TBC1D32: variants seen among roughly 807,000 people sequenced by gnomAD.
TBC1D32 encodes the protein TBC1 domain family member 32.
A neutral mutation model predicts 170.3 loss-of-function variants in TBC1D32; 151 were observed. The observed-to-expected ratio is 0.89, with a 90% CI of 0.78 to 1.01. The LOEUF (loss-of-function observed/expected upper bound fraction) is 1.01, where lower values mean the gene tolerates loss of function less well. Ranked by LOEUF, TBC1D32 falls within the 50% of genes least tolerant of loss-of-function variation. TBC1D32 has a pLI of 0.00. For synonymous variants in TBC1D32, 498 were observed against 488.0 expected, an observed-to-expected ratio of 1.02 and a Z score of -0.27; for missense variants, 1,464 against 1,457.1, an observed-to-expected ratio of 1.00 and a Z score of -0.08.
rs146304870 is a variant in TBC1D32, at chr6:121,195,075, G to A, written c.2570+10000C>T. On this transcript the variant is annotated intron_variant, in intron 22 of 31. Coordinates refer to ENST00000398212, the MANE Select transcript of TBC1D32 (RefSeq NM_152730.6). Reference sequence around the variant, plus strand: ...ACAAGAAAGAGGCACAACACCTAGTGGGCCTATTTGGATTTCGGAGGCAAC... The same window carrying A: ...ACAAGAAAGAGGCACAACACCTAGTAGGCCTATTTGGATTTCGGAGGCAAC... Among the ~76,000 whole-genome samples the A allele has an allele frequency of 1.6e-3, 251 of 152,298 alleles. 4 individuals carry two copies. The highest frequency in any genetic ancestry group is 3.8e-4 in the Non-Finnish European group (26 of 68,034).
chr6:121,218,464 C>T (rs1037764618), intron 21 of TBC1D32, among the ~76,000 whole-genome samples: 1 of 152,064 alleles, frequency 6.6e-6, no homozygotes, highest in African/African-American at 2.4e-5. Context: ...AAGTTTTGAT[C>T]CTGGGTGTGT....
intron 30 of TBC1D32, among the ~76,000 whole-genome samples, chr6:121,092,409 C>A (rs1033420269): frequency 9.2e-5 from 13 of 141,730 alleles, no homozygotes; most frequent in African/African-American, 2.9e-4. Context: ...ACAAAATTTC[C>A]TTTTGTTTTC....
rs549983775 is a variant in TBC1D32, at chr6:121,230,681, A to C, written c.2365-7329T>G. Among the ~76,000 whole-genome samples, 7 of 151,948 alleles carry C rather than the reference A, an allele frequency of 4.6e-5. No individual in the cohort carries two copies. The East Asian group carries it at 1.4e-3, about 29-fold the overall frequency. On this transcript the variant is annotated intron_variant, in intron 20 of 31. Coordinates refer to ENST00000398212, the MANE Select transcript of TBC1D32 (RefSeq NM_152730.6). ...TACATATATACACACACGTGTATAT[A>C]TACACATGTGTGTATATATATTTGC...
chr6:121,160,064 G>C lies in TBC1D32; in HGVS notation c.2719C>G (p.Pro907Ala). ...TCTGACAGATAGCAGTTTGGCAATG[G>C]ATATGATGAAAACATTGGCCAAGGA... The part of the protein sequence containing the change: ...PYPWPMFSSY[P>A]LPNCYLSDIT... Residue 907 changes from proline to alanine, a missense_variant, in exon 24 of 32, where the codon CCA (proline) becomes GCA (alanine). This residue lies in a region of TBC1D32 where 1,363 missense variants were observed against 1,338.1 expected (regional missense o/e 1.02). Coordinates refer to ENST00000398212, the MANE Select transcript of TBC1D32 (RefSeq NM_152730.6). 7 of 1,607,714 alleles carry C rather than the reference G, an allele frequency of 4.4e-6. No homozygotes were observed. Among genetic ancestry groups the C allele is most frequent in the Non-Finnish European group, 6.0e-6 (7 of 1,175,512 alleles).
intron 17 of TBC1D32, among the ~76,000 whole-genome samples, chr6:121,249,155 A>G (rs928145454): frequency 2.0e-5 from 3 of 151,950 alleles, no homozygotes; most frequent in Non-Finnish European, 2.9e-5. Flanking sequence ...GGTTTAACAT[A>G]CACACATCAG....
chr6:121,220,937 G>A (rs1794443640), intron 21 of TBC1D32, among the ~76,000 whole-genome samples: 1 of 152,016 alleles, frequency 6.6e-6, no homozygotes, highest in Admixed American at 6.6e-5. Context: ...AACGACGCCC[G>A]GCCAAGAGAT....
chr6:121,190,077 C>A (rs73524557), intron 22 of TBC1D32, among the ~76,000 whole-genome samples: 1,032 of 6,998 alleles, frequency 0.15, 41 homozygotes, highest in African/African-American at 0.26. Context: ...AATACAGACA[C>A]ACACACACAC....
At chr6:121,119,224 G>A (rs1192584096) in intron 26 of TBC1D32, among the ~76,000 whole-genome samples, 1 of 152,084 alleles carries the variant, frequency 6.6e-6, no homozygotes. Context: ...CTGAAAAACT[G>A]TTTCTTTTAT....
chr6:121,204,276 G>A (rs1159495885), intron 22 of TBC1D32, among the ~76,000 whole-genome samples: 4 of 151,178 alleles, frequency 2.6e-5, no homozygotes, highest in Non-Finnish European at 5.9e-5. Flanking sequence ...GTCCAAACAC[G>A]AAGCTCATCT....
intron 31 of TBC1D32, among the ~76,000 whole-genome samples, chr6:121,085,526 T>G (rs1364882679): frequency 1.3e-5 from 2 of 151,736 alleles, no homozygotes; most frequent in Non-Finnish European, 2.9e-5. Flanking sequence ...GGCATTGGCA[T>G]TGGCATTCTG....
chr6:121,263,857 A>G (rs1296040547), intron 15 of TBC1D32, among the ~76,000 whole-genome samples: 1 of 152,230 alleles, frequency 6.6e-6, no homozygotes. Flanking sequence ...TAATGAAAGT[A>G]AGGCAGAAAT....
intron 17 of TBC1D32, among the ~76,000 whole-genome samples, chr6:121,247,170 AG>A (rs1797719412): frequency 1.3e-5 from 2 of 152,230 alleles, no homozygotes; most frequent in South Asian, 2.1e-4. Flanking sequence ...TCTTATTTAT[AG>A]CTCCCTTAAG....
At chr6:121,239,284 T>TC in intron 19 of TBC1D32, 96 bp from the exon 20 acceptor site, 1 of 639,878 alleles carries the variant, frequency 1.6e-6, no homozygotes, top group South Asian at 2.8e-5. Flanking sequence ...TCTGGTCTAC[T>TC]CTGACAGAAG....
At chr6:121,311,456 G>A (rs1405614477) in intron 3 of TBC1D32, among the ~76,000 whole-genome samples, 1 of 152,128 alleles carries the variant, frequency 6.6e-6, no homozygotes, top group African/African-American at 2.4e-5. Flanking sequence ...TAGGCTGGGC[G>A]CAGTGGCTCA....
rs1389814933 is a variant in TBC1D32 at position 121,334,334 on chromosome 6, G to C, written c.97C>G (p.Leu33Val). The change falls in exon 1 of 32, where the codon CTG (leucine) becomes GTG (valine). Residue 33 changes from leucine (L) to valine (V), a missense_variant. Around this residue, in one of 3 missense-constraint regions of TBC1D32, gnomAD observed 1,363 missense variants for 1,338.1 expected, o/e 1.02. Transcript: ENST00000398212. ...VKEKITGAPS[L>V]ECAEEILLHL... is the part of the protein sequence containing the mutation. ...AAAAGAATCTCTTCGGCACACTCCA[G>C]GGAAGGGGCACCCGTGATTTTCTCC... 4 of 1,614,164 alleles carry C rather than the reference G, an allele frequency of 2.5e-6. No individual in the cohort carries two copies. In the South Asian group the frequency reaches 4.4e-5, roughly 18 times the overall value.
At chr6:121,206,224 A>G (rs961808677) in intron 21 of TBC1D32, among the ~76,000 whole-genome samples, 1 of 151,936 alleles carries the variant, frequency 6.6e-6, no homozygotes, top group Non-Finnish European at 1.5e-5. Flanking sequence ...AAGAAAAAAA[A>G]AAAAAAAAGG....
chr6:121,265,564 T>TA (rs574248224), intron 15 of TBC1D32, among the ~76,000 whole-genome samples: 1 of 140,654 alleles, frequency 7.1e-6, no homozygotes, highest in Non-Finnish European at 1.6e-5. Flanking sequence ...AAAAACTACT[T>TA]AAAAAAAATT....
chr6:121,240,877 CAAAAAA>C (rs35249678), intron 19 of TBC1D32, among the ~76,000 whole-genome samples: 1 of 84,214 alleles, frequency 1.2e-5, no homozygotes. Context: ...TTCTGTCTCA[CAAAAAA>C]AAAAAAAAAA....
intron 11 of TBC1D32, among the ~76,000 whole-genome samples, chr6:121,293,958 A>G (rs532490497): frequency 2.6e-5 from 4 of 152,144 alleles, no homozygotes; most frequent in Non-Finnish European, 5.9e-5. Context: ...GATAAATAAG[A>G]TATCTATTAG....
Sources: allele counts gnomAD v4.1 joint callset (sites outside exome capture counted in the v4.1 genomes callset), GRCh38; gene constraint gnomAD v4.1.1; regional missense constraint gnomAD v4.1.1; transcripts MANE v1.5; gene names NCBI Gene and HGNC (gene_info 2026-07-23, HGNC 2026-07-21).